Variants in IL1R1 observed in about 807,000 individuals in gnomAD.
IL1R1 encodes interleukin 1 receptor type 1, also known as interleukin-1 receptor type 1.
IL1R1 carries 22 observed loss-of-function variants against 50.2 expected under a neutral mutation model. That is an observed-to-expected ratio of 0.44 (90% confidence interval 0.31 to 0.63). The LOEUF (loss-of-function observed/expected upper bound fraction) is 0.63. IL1R1 is among the 20% of genes least tolerant of loss of function. The probability of loss-of-function intolerance (pLI) is 0.07; values close to 1 mark genes in which losing one functional copy is unlikely to be tolerated. For missense variants in IL1R1, 509 were observed against 676.2 expected (o/e 0.75, Z 2.74); for synonymous variants, 251 against 236.7 (o/e 1.06, Z -0.55).
rs1245300387 is a variant in IL1R1 at position 102,164,990 on chromosome 2, A to G, written c.278A>G (p.His93Arg). 4 of 1,613,394 alleles carry G rather than the reference A, an allele frequency of 2.5e-6. No individual in the cohort carries two copies. The highest frequency in any genetic ancestry group is 2.2e-5 in the East Asian group (1 of 44,856). ...CCTGCTAAGGTGGAGGATTCAGGAC[A>G]TTACTATTGCGTGGTAAGGTAAGAG... ...FVPAKVEDSG[H>R]YYCVVRNSSY... The change falls in exon 4 of 12, where the codon CAT becomes CGT. Residue 93 changes from histidine to arginine, a missense_variant. Physicochemically the swap from His to Arg is conservative, Grantham distance 29 (BLOSUM62 0). Transcript: ENST00000410023.
At chr2:102,072,276 AAG>A (rs1678765772) in intron 1 of IL1R1, among the ~76,000 whole-genome samples, 1 of 152,128 alleles carries the variant, frequency 6.6e-6, no homozygotes, top group African/African-American at 2.4e-5. Context: ...AAAAAAAAAA[AAG>A]AAAAAAATTC....
intron 1 of IL1R1, among the ~76,000 whole-genome samples, chr2:102,117,618 C>T (rs899936244): frequency 5.3e-5 from 8 of 152,280 alleles, no homozygotes; most frequent in African/African-American, 1.9e-4. Context: ...TAATGTATTC[C>T]AATGAATCCC....
At chr2:102,123,858 T>C (rs1160316336) in intron 1 of IL1R1, among the ~76,000 whole-genome samples, 3 of 152,076 alleles carry the variant, frequency 2.0e-5, no homozygotes, top group Non-Finnish European at 4.4e-5. Context: ...GAAATATGCC[T>C]ACAGTGCCTC....
At position 102,073,063 on chromosome 2, in the gene IL1R1, C is replaced by T. The variant is rs569111078; in HGVS notation, c.-84+2530C>T. ...TTTTTCTTAAATGTTTTCATTTAATCCAGGCATTATGTACTGGGGGATCAA... is the reference window on the plus strand; with the variant it reads ...TTTTTCTTAAATGTTTTCATTTAATTCAGGCATTATGTACTGGGGGATCAA... On this transcript the variant is annotated intron_variant, in intron 1 of 11. Coordinates refer to the IL1R1 transcript ENST00000409929. Among the ~76,000 whole-genome samples, 5 of 152,230 alleles carry T rather than the reference C, an allele frequency of 3.3e-5. No homozygotes were observed. In the East Asian group the frequency reaches 9.7e-4, roughly 29 times the overall value.
At chr2:102,171,479 A>C (rs911706556) in intron 7 of IL1R1, among the ~76,000 whole-genome samples, 2 of 152,216 alleles carry the variant, frequency 1.3e-5, no homozygotes, top group African/African-American at 4.8e-5. Flanking sequence ...CATAGTGTAT[A>C]TGTATTATGG....
intron 10 of IL1R1, 23 bp from the exon 11 acceptor site, chr2:102,175,455 A>C: frequency 1.3e-6 from 2 of 1,599,682 alleles, no homozygotes; most frequent in Non-Finnish European, 1.7e-6. Flanking sequence ...TGTGGTTCTA[A>C]ATACATTATG....
intron 1 of IL1R1, among the ~76,000 whole-genome samples, chr2:102,118,676 A>G (rs1038110451): frequency 6.6e-6 from 1 of 152,174 alleles, no homozygotes; most frequent in Non-Finnish European, 1.5e-5. Context: ...ATTCCTTGAC[A>G]TCGCTTCAAT....
chr2:102,127,187 G>A (rs1429185131), intron 1 of IL1R1, among the ~76,000 whole-genome samples: 2 of 152,190 alleles, frequency 1.3e-5, no homozygotes, highest in African/African-American at 2.4e-5. Flanking sequence ...TCCATTGGGT[G>A]AGTCAGCTCC....
chr2:102,100,782 G>A (rs764882571), upstream of IL1R1, among the ~76,000 whole-genome samples: 4 of 152,198 alleles, frequency 2.6e-5, no homozygotes, highest in Non-Finnish European at 4.4e-5. Context: ...GAAGCTGTCT[G>A]TCTGGAGGTA....
chr2:102,178,604 GT>G lies in IL1R1; in HGVS notation c.*1848del, dbSNP rs762816211. 6.6e-6 allele frequency: 1 copy of G among 152,212 alleles called. No homozygotes were observed. The highest frequency in any genetic ancestry group is 2.4e-5 in the African/African-American group (1 of 41,402). The allele number at this position is 152,212 out of a possible 1,614,324, so 9.4% of individuals were successfully genotyped here. On this transcript the variant is annotated 3_prime_UTR_variant, in exon 12 of 12. Coordinates refer to ENST00000410023, the MANE Select transcript of IL1R1 (RefSeq NM_000877.4). The stretch of plus-strand genomic sequence containing the variant: ...GTCCCCCCTCACTCCACACTGGCAC[GT>G]TTGTGAGAAGAAATGACATTTTGCT...
intron 7 of IL1R1, among the ~76,000 whole-genome samples, chr2:102,169,907 A>G (rs1371774314): frequency 1.3e-5 from 2 of 152,032 alleles, no homozygotes; most frequent in African/African-American, 4.8e-5. Context: ...TATCTTTTAT[A>G]TTTGCTGATA....
chr2:102,126,415 A>G (rs1408785239), intron 1 of IL1R1, among the ~76,000 whole-genome samples: 1 of 152,190 alleles, frequency 6.6e-6, no homozygotes, highest in Non-Finnish European at 1.5e-5. Context: ...TCTTTTATAA[A>G]CTTACAGAAG....
chr2:102,141,862 G>C (rs1488679331), upstream of IL1R1: 1 of 152,250 alleles, frequency 6.6e-6, no homozygotes, highest in African/African-American at 2.4e-5. Flanking sequence ...GAAAGCCCGA[G>C]GGAGCTGCAG....
chr2:102,154,564 C>A (rs1296857841), intron 2 of IL1R1, among the ~76,000 whole-genome samples: 1 of 152,128 alleles, frequency 6.6e-6, no homozygotes, highest in Non-Finnish European at 1.5e-5. Flanking sequence ...CTTCTCCCCT[C>A]TGGCCCCAAG....
At chr2:102,144,385 C>G (rs1682933870) in intron 1 of IL1R1, among the ~76,000 whole-genome samples, 1 of 152,118 alleles carries the variant, frequency 6.6e-6, no homozygotes, top group Non-Finnish European at 1.5e-5. Context: ...GATCTGAATT[C>G]TCACATGACC....
At position 102,164,630 on chromosome 2, in the gene IL1R1, A is replaced by C. The variant is rs1685014830; in HGVS notation, c.62-144A>C. The C allele has an allele frequency of 4.8e-6, 3 of 623,040 alleles. No homozygotes were observed. The South Asian group carries it at 6.0e-5, about 12-fold the overall frequency. The allele number at this position is 623,040 out of a possible 1,614,324, so 38.6% of individuals were successfully genotyped here. On this transcript the variant is annotated intron_variant, in intron 3 of 11. Coordinates refer to ENST00000410023, the MANE Select transcript of IL1R1 (RefSeq NM_000877.4). ...ATATGCTTCTCAGACTCCCCAGATAATGATCTTATCACAAGGCTGTAAAGC... is the reference window on the plus strand; with the variant it reads ...ATATGCTTCTCAGACTCCCCAGATACTGATCTTATCACAAGGCTGTAAAGC...
intron 1 of IL1R1, among the ~76,000 whole-genome samples, chr2:102,086,192 A>G (rs1679421981): frequency 6.6e-6 from 1 of 152,204 alleles, no homozygotes; most frequent in Non-Finnish European, 1.5e-5. Context: ...ATTAATTTTT[A>G]AAGGGTGGTT....
intron 1 of IL1R1, among the ~76,000 whole-genome samples, chr2:102,109,999 T>C (rs1348192652): frequency 6.6e-6 from 1 of 152,250 alleles, no homozygotes; most frequent in African/African-American, 2.4e-5. Flanking sequence ...CCATATGATT[T>C]TGAAACTCTT....
At chr2:102,134,816 G>T (rs1279821834) in intron 1 of IL1R1, among the ~76,000 whole-genome samples, 1 of 152,158 alleles carries the variant, frequency 6.6e-6, no homozygotes, top group East Asian at 1.9e-4. Flanking sequence ...TAAACTTGTG[G>T]CTTTCCTCTT....
Sources: gnomAD v4.1 joint callset for allele counts (sites outside exome capture counted in the v4.1 genomes callset) on GRCh38, gnomAD v4.1.1 for gene constraint, MANE v1.5 for transcripts, NCBI Gene and HGNC (gene_info 2026-07-23, HGNC 2026-07-21) for gene names.